SIAH3: variants seen among roughly 807,000 people sequenced by gnomAD.
The protein encoded by SIAH3 is seven in absentia homolog 3.
SIAH3 carries 9 observed loss-of-function variants against 12.6 expected under a neutral mutation model. That is an observed-to-expected ratio of 0.72 (90% CI 0.43 to 1.25). The LOEUF (loss-of-function observed/expected upper bound fraction) is 1.25, where lower values mean the gene tolerates loss of function less well. Among genes scored for constraint, SIAH3 ranks in the 50% most tolerant of loss-of-function variants. The pLI, the probability that SIAH3 is intolerant of heterozygous loss-of-function variation, is 0.00. For synonymous variants in SIAH3, 154 were observed against 151.1 expected (o/e 1.02, Z -0.14); for missense variants, 390 against 365.4 (o/e 1.07, Z -0.55).
intron 1 of SIAH3, among the ~76,000 whole-genome samples, chr13:45,787,108 G>A (rs763950554): frequency 7.9e-5 from 12 of 152,020 alleles, no homozygotes; most frequent in Non-Finnish European, 1.5e-4. Flanking sequence ...AGCAAAGGGA[G>A]TCCAGCAGGT....
chr13:45,818,060 G>C (rs1302162791), intron 1 of SIAH3, among the ~76,000 whole-genome samples: 3 of 152,192 alleles, frequency 2.0e-5, no homozygotes, highest in African/African-American at 7.2e-5. Flanking sequence ...AAATGATGTG[G>C]AGAAATTGGA....
chr13:45,843,820 A>T (rs1335604359), intron 1 of SIAH3, among the ~76,000 whole-genome samples: 1 of 152,178 alleles, frequency 6.6e-6, no homozygotes, highest in Non-Finnish European at 1.5e-5. Flanking sequence ...GCCAGCTTTG[A>T]GTAGCTGTTG....
intron 1 of SIAH3, among the ~76,000 whole-genome samples, chr13:45,789,464 C>T (rs768336907): frequency 3.3e-5 from 5 of 151,982 alleles, no homozygotes; most frequent in African/African-American, 7.3e-5. Flanking sequence ...TGGAATGCAG[C>T]GACGTGATCT....
chr13:45,794,271 A>G (rs1950555531), intron 1 of SIAH3, among the ~76,000 whole-genome samples: 1 of 151,744 alleles, frequency 6.6e-6, no homozygotes, highest in Non-Finnish European at 1.5e-5. Context: ...CTATCAGGAA[A>G]CACTGAGTCT....
At chr13:45,850,165 A>G (rs752271107) in intron 1 of SIAH3, among the ~76,000 whole-genome samples, 2 of 152,206 alleles carry the variant, frequency 1.3e-5, no homozygotes, top group Non-Finnish European at 2.9e-5. Context: ...CCTAGGTCAG[A>G]TGCACCATAG....
At chr13:45,816,518 C>T (rs963287913) in intron 1 of SIAH3, among the ~76,000 whole-genome samples, 3 of 152,100 alleles carry the variant, frequency 2.0e-5, no homozygotes, top group Non-Finnish European at 4.4e-5. Flanking sequence ...AGTTATGAAC[C>T]CTGAGGAATG....
rs376055613 is a variant in SIAH3, at chr13:45,829,614, A to G, written c.135+21881T>C. 5.3e-5 allele frequency among the ~76,000 whole-genome samples: 8 copies of G among 152,172 alleles called. 1 individual carries two copies. The highest frequency in any genetic ancestry group is 1.9e-4 in the African/African-American group (8 of 41,498). On this transcript the variant is annotated intron_variant, in intron 1 of 1. Coordinates refer to ENST00000400405, the MANE Select transcript of SIAH3 (RefSeq NM_198849.3). ...ACAGACCAAGACCCTGACTCAAAAG[A>G]TATAGAACACTTGCTACATCATGGA...
At chr13:45,807,043 T>C (rs1410718911) in intron 1 of SIAH3, among the ~76,000 whole-genome samples, 1 of 152,156 alleles carries the variant, frequency 6.6e-6, no homozygotes, top group Non-Finnish European at 1.5e-5. Flanking sequence ...TACAAATCAA[T>C]AATTTTCACA....
At chr13:45,845,264 G>A (rs955184070) in intron 1 of SIAH3, among the ~76,000 whole-genome samples, 6 of 89,354 alleles carry the variant, frequency 6.7e-5, no homozygotes, top group Non-Finnish European at 7.6e-5. Context: ...TGCATTGTGC[G>A]TGTGTTAAAA....
At chr13:45,839,371 G>A (rs1317187358) in intron 1 of SIAH3, among the ~76,000 whole-genome samples, 1 of 152,050 alleles carries the variant, frequency 6.6e-6, no homozygotes, top group African/African-American at 2.4e-5. Flanking sequence ...GCCCAGATTT[G>A]GAGATCAGTC....
intron 1 of SIAH3, among the ~76,000 whole-genome samples, chr13:45,815,286 T>C (rs1383963269): frequency 6.6e-6 from 1 of 151,992 alleles, no homozygotes; most frequent in African/African-American, 2.4e-5. Context: ...AGTAAGACTT[T>C]GAGTGAGGCA....
In SIAH3 at chr13:45,783,967, G is replaced by A. The variant is rs1390765448; in HGVS notation, c.226C>T (p.Arg76Cys). Residue 76 changes from arginine to cysteine, a missense_variant, in exon 2 of 2, where the codon CGC becomes TGC. By Grantham distance (180) the Arg-to-Cys change is radical. Transcript: ENST00000400405. ...HHLSHHHCHH[R>C]HHHHLRHHAH... ...TGGTGGCGGAGGTGGTGGTGGTGGC[G>A]GTGGTGGCAGTGGTGGTGGGAGAGA... 2.5e-6 allele frequency: 4 copies of A among 1,606,018 alleles called. No individual in the cohort carries two copies. The highest frequency in any genetic ancestry group is 2.2e-5 in the South Asian group (2 of 89,096).
In SIAH3 at chr13:45,778,552, C is replaced by T. The variant is rs944889706; in HGVS notation, c.*4831G>A. ...CGTGTTTCCCCAACAATTTGCTGTT[C>T]CGCTGGCTTGGCTGTCATTTATGCC... is the stretch of plus-strand genomic sequence containing the variant. On this transcript the variant is annotated 3_prime_UTR_variant, in exon 2 of 2. Transcript: ENST00000400405. 1.3e-5 allele frequency: 2 copies of T among 152,200 alleles called. No individual in the cohort carries two copies. The highest frequency in any genetic ancestry group is 2.9e-5 in the Non-Finnish European group (2 of 68,050). 9.4% of individuals were successfully genotyped at this position (152,200 alleles called of 1,614,324 possible). A position where few individuals can be genotyped will look rare whatever the true frequency, so the allele number is the denominator to read the frequency against.
chr13:45,805,007 C>A (rs533669243), intron 1 of SIAH3, among the ~76,000 whole-genome samples: 171 of 138,816 alleles, frequency 1.2e-3, no homozygotes, highest in African/African-American at 4.5e-3. Flanking sequence ...CACACACACA[C>A]ACAAAATACT....
At chr13:45,835,416 C>T (rs886290197) in intron 1 of SIAH3, among the ~76,000 whole-genome samples, 1 of 152,136 alleles carries the variant, frequency 6.6e-6, no homozygotes, top group South Asian at 2.1e-4. Context: ...CTCCTCACAT[C>T]TAGTAATGAT....
At chr13:45,798,955 T>C (rs1950571938) in intron 1 of SIAH3, among the ~76,000 whole-genome samples, 2 of 152,158 alleles carry the variant, frequency 1.3e-5, no homozygotes, top group South Asian at 4.1e-4. Context: ...AAATGACAAG[T>C]CCTCCATCCC....
At chr13:45,807,429 T>C (rs1200180921) in intron 1 of SIAH3, among the ~76,000 whole-genome samples, 4 of 152,216 alleles carry the variant, frequency 2.6e-5, no homozygotes, top group Admixed American at 2.6e-4. Flanking sequence ...AACATGGTGA[T>C]TCAAGTGCAT....
intron 1 of SIAH3, among the ~76,000 whole-genome samples, chr13:45,836,580 T>G (rs1950718703): frequency 1.3e-5 from 2 of 152,082 alleles, no homozygotes; most frequent in Non-Finnish European, 2.9e-5. Context: ...GGAGAACACA[T>G]GGACACATGG....
chr13:45,785,545 GCA>G lies in SIAH3; in HGVS notation c.136-1490_136-1489del, dbSNP rs368389537. On this transcript the variant is annotated intron_variant, in intron 1 of 1. Coordinates refer to ENST00000400405, the MANE Select transcript of SIAH3 (RefSeq NM_198849.3). ...AGGACACACATACATGTACATACAT[GCA>G]CAGTCATGCACGCAATACACATGCA... is the stretch of plus-strand genomic sequence containing the variant. Among the ~76,000 whole-genome samples, 549 of 152,308 alleles carry G rather than the reference GCA, an allele frequency of 3.6e-3. 6 individuals are homozygous for G. The highest frequency in any genetic ancestry group is 0.013 in the African/African-American group (535 of 41,560).
Sources: gnomAD v4.1 joint callset for allele counts (sites outside exome capture counted in the v4.1 genomes callset) on GRCh38, gnomAD v4.1.1 for gene constraint, MANE v1.5 for transcripts, NCBI Gene and HGNC (gene_info 2026-07-23, HGNC 2026-07-21) for gene names.